Variants in LRRC4C observed in about 807,000 individuals in gnomAD.
The protein encoded by LRRC4C is leucine-rich repeat-containing protein 4C.
In LRRC4C, 5 loss-of-function variants were observed where a neutral mutation model predicts 33.6. That is an observed-to-expected ratio of 0.15 (90% CI 0.08 to 0.31). LRRC4C has a LOEUF of 0.31. Ranked by LOEUF, LRRC4C falls within the 10% of genes least tolerant of loss-of-function variation. The probability of loss-of-function intolerance (pLI) is 1.00; values close to 1 mark genes in which losing one functional copy is unlikely to be tolerated. For synonymous variants in LRRC4C, 329 were observed against 302.0 expected, an observed-to-expected ratio of 1.09 and a Z score of -0.93; for missense variants, 560 against 796.7, an observed-to-expected ratio of 0.70 and a Z score of 3.58.
At chr11:40,439,996 A>T (rs1027374213) in intron 3 of LRRC4C, among the ~76,000 whole-genome samples, 1 of 152,218 alleles carries the variant, frequency 6.6e-6, no homozygotes. Context: ...GTTTATGGAT[A>T]ATTACTGGCT....
In LRRC4C at chr11:41,105,918, T is replaced by A. The variant is rs149064470; in HGVS notation, c.-495-172195A>T. The stretch of plus-strand genomic sequence containing the variant: ...TGATATAACAATAATACCAAGATAT[T>A]TCTCTCTCTTTTTATCAAGTACTGA... On this transcript the variant is annotated intron_variant, in intron 1 of 6. Coordinates refer to ENST00000528697, the MANE Select transcript of LRRC4C (RefSeq NM_001258419.2). Among the ~76,000 whole-genome samples the A allele has an allele frequency of 4.3e-4, 65 of 152,250 alleles. No individual in the cohort carries two copies. In the East Asian group the frequency reaches 0.01, roughly 24 times the overall value.
chr11:40,856,846 G>A (rs1236336696), intron 2 of LRRC4C, among the ~76,000 whole-genome samples: 2 of 152,158 alleles, frequency 1.3e-5, no homozygotes, highest in African/African-American at 4.8e-5. Context: ...TCACATTCTA[G>A]TGTTTTTATC....
intron 1 of LRRC4C, among the ~76,000 whole-genome samples, chr11:41,214,485 A>C (rs914813187): frequency 6.8e-6 from 1 of 148,046 alleles, no homozygotes; most frequent in African/African-American, 2.5e-5. Context: ...TAATCCTAGC[A>C]TTTTGGGAGG....
At chr11:41,170,886 A>C (rs1193394294) in intron 1 of LRRC4C, among the ~76,000 whole-genome samples, 1 of 152,216 alleles carries the variant, frequency 6.6e-6, no homozygotes, top group African/African-American at 2.4e-5. Context: ...ACAATCTACA[A>C]TGAACTCAAA....
chr11:41,299,928 A>G (rs1950241118), intron 1 of LRRC4C, among the ~76,000 whole-genome samples: 1 of 152,150 alleles, frequency 6.6e-6, no homozygotes, highest in African/African-American at 2.4e-5. Context: ...AGGAAAGCAC[A>G]TTCTGGTTCA....
At chr11:41,133,345 G>GAGA (rs1240362718) in intron 1 of LRRC4C, among the ~76,000 whole-genome samples, 7 of 152,106 alleles carry the variant, frequency 4.6e-5, no homozygotes, top group Non-Finnish European at 1.0e-4. Flanking sequence ...TACTTAGGAG[G>GAGA]AGAGCAAATA....
At chr11:41,214,158 C>T (rs1946935647) in intron 1 of LRRC4C, among the ~76,000 whole-genome samples, 1 of 152,164 alleles carries the variant, frequency 6.6e-6, no homozygotes. Flanking sequence ...ATATGGACAG[C>T]CACACTTCCC....
intron 2 of LRRC4C, among the ~76,000 whole-genome samples, chr11:40,789,559 T>A (rs1035570761): frequency 6.6e-6 from 1 of 152,158 alleles, no homozygotes; most frequent in Non-Finnish European, 1.5e-5. Flanking sequence ...TAAAGTAAGG[T>A]TGCTCTACTC....
intron 3 of LRRC4C, among the ~76,000 whole-genome samples, chr11:40,635,890 C>T (rs981833708): frequency 4.6e-5 from 7 of 152,056 alleles, no homozygotes; most frequent in Admixed American, 1.3e-4. Flanking sequence ...CCGCCTGCCT[C>T]GGCCTCCCAA....
chr11:40,285,110 A>G (rs906488260), intron 4 of LRRC4C, among the ~76,000 whole-genome samples: 25 of 151,972 alleles, frequency 1.6e-4, no homozygotes, highest in African/African-American at 5.8e-4. Context: ...TATAACATGT[A>G]TTTTTTTCCT....
At chr11:40,589,482 A>C (rs1455161864) in intron 3 of LRRC4C, among the ~76,000 whole-genome samples, 1 of 150,834 alleles carries the variant, frequency 6.6e-6, no homozygotes, top group East Asian at 2.0e-4. Flanking sequence ...TTTACATTTA[A>C]AGTTAATATT....
chr11:41,159,639 C>A (rs181899105), intron 1 of LRRC4C, among the ~76,000 whole-genome samples: 51 of 152,182 alleles, frequency 3.4e-4, no homozygotes, highest in African/African-American at 1.2e-3. Flanking sequence ...CACTTTGCAG[C>A]TATGGCCTAA....
chr11:40,677,317 C>A (rs1479390965), intron 2 of LRRC4C, among the ~76,000 whole-genome samples: 1 of 152,042 alleles, frequency 6.6e-6, no homozygotes, highest in Non-Finnish European at 1.5e-5. Context: ...ACCTGGGAGG[C>A]GGAGGTTGCA....
intron 5 of LRRC4C, among the ~76,000 whole-genome samples, chr11:40,202,763 G>T (rs566615756): frequency 1.3e-5 from 2 of 152,104 alleles, no homozygotes; most frequent in Non-Finnish European, 2.9e-5. Flanking sequence ...AAGGGGCAAA[G>T]CTATCAAGGG....
In LRRC4C at chr11:40,334,689, T is replaced by C. The variant is rs563662769; in HGVS notation, c.-269-14968A>G. Among the ~76,000 whole-genome samples, 22 of 152,260 alleles carry C rather than the reference T, an allele frequency of 1.4e-4. No homozygotes were observed. In the South Asian group the frequency reaches 1.7e-3, roughly 11 times the overall value. Reference sequence around the variant, plus strand: ...ATACATATGCATATGCATACATAAATATGCAAGCCATCCAGCCAGTCATCT... The same window carrying C: ...ATACATATGCATATGCATACATAAACATGCAAGCCATCCAGCCAGTCATCT... On this transcript the variant is annotated intron_variant, in intron 3 of 6. Coordinates refer to ENST00000528697, the MANE Select transcript of LRRC4C (RefSeq NM_001258419.2).
rs568882050 is a variant in LRRC4C, at chr11:40,378,583, T to C, written c.-269-58862A>G. Among the ~76,000 whole-genome samples the C allele has an allele frequency of 2.1e-4, 32 of 152,230 alleles. 2 individuals are homozygous for C. The highest frequency in any genetic ancestry group is 7.0e-4 in the African/African-American group (29 of 41,574). ...ATTGAAAGAAATATTTCTAGAATTA[T>C]TGACCACAGATTGGATAGCTTTGTG... On this transcript the variant is annotated intron_variant, in intron 3 of 6. Transcript: ENST00000528697.
intron 3 of LRRC4C, among the ~76,000 whole-genome samples, chr11:40,367,229 T>C (rs1354535086): frequency 6.6e-6 from 1 of 152,100 alleles, no homozygotes; most frequent in Non-Finnish European, 1.5e-5. Flanking sequence ...GATACATGCA[T>C]GAAAGAACAT....
intron 1 of LRRC4C, among the ~76,000 whole-genome samples, chr11:41,251,499 TACTC>T (rs1033816454): frequency 3.3e-5 from 5 of 152,204 alleles, no homozygotes; most frequent in Non-Finnish European, 7.4e-5. Context: ...GCTTATCACT[TACTC>T]CTCCTTTTGT....
At chr11:41,149,281 G>T (rs1015802923) in intron 1 of LRRC4C, among the ~76,000 whole-genome samples, 2 of 152,000 alleles carry the variant, frequency 1.3e-5, no homozygotes, top group South Asian at 2.1e-4. Flanking sequence ...CGAGGCGGGC[G>T]GATCACGAGG....
Sources: allele counts gnomAD v4.1 joint callset (sites outside exome capture counted in the v4.1 genomes callset), GRCh38; gene constraint gnomAD v4.1.1; transcripts MANE v1.5; gene names NCBI Gene and HGNC (gene_info 2026-07-23, HGNC 2026-07-21).